The following SMARCA4 variants were observed in gnomAD, a reference collection of about 807,000 sequenced individuals.
SMARCA4 encodes SWI/SNF related BAF chromatin remodeling complex subunit ATPase 4.
A neutral mutation model predicts 193.9 loss-of-function variants in SMARCA4; 31 were observed. The ratio of observed to expected loss-of-function variants is 0.16; its 90% CI spans 0.12 to 0.22. SMARCA4 has a LOEUF of 0.22. SMARCA4 is among the 10% of genes least tolerant of loss of function. The pLI, the probability that SMARCA4 is intolerant of heterozygous loss-of-function variation, is 1.00. For missense variants in SMARCA4, 1,148 were observed against 2,296.0 expected (o/e 0.50, Z 10.22); for synonymous variants, 942 against 933.1 (o/e 1.01, Z -0.17).
rs2086167497 is a variant in SMARCA4, at chr19:10,987,598, T to C, written c.860-68T>C. On this transcript the variant is annotated intron_variant, in intron 5 of 34. Coordinates refer to ENST00000344626, the MANE Select transcript of SMARCA4 (RefSeq NM_003072.5). The surrounding 1 kb of genome is among the most constrained non-coding windows in gnomAD (Gnocchi z 5.3). ...CCAGTGCCTCAAGCAGCTCAGCAGCTTTCCATTTCCAGCCCGGGATGGGCC... is the reference window on the plus strand; with the variant it reads ...CCAGTGCCTCAAGCAGCTCAGCAGCCTTCCATTTCCAGCCCGGGATGGGCC... 2 of 1,587,606 alleles carry C rather than the reference T, an allele frequency of 1.3e-6. No homozygotes were observed. The highest frequency in any genetic ancestry group is 1.7e-5 in the Admixed American group (1 of 59,810).
Position 10,991,191 on chromosome 19 carries a change from G to A in SMARCA4, c.1287G>A (p.Ala429=), listed in dbSNP as rs143600641. 4.5e-5 allele frequency: 73 copies of A among 1,613,896 alleles called. No homozygotes were observed. The highest frequency in any genetic ancestry group is 2.5e-4 in the Admixed American group (15 of 60,020). ...EVVVCMRRDT[A]LETALNAKAY... Reference sequence around the variant, plus strand: ...TGGTGTGCATGCGGAGGGACACAGCGCTGGAGACAGCCCTCAATGCTAAGG... The same window carrying A: ...TGGTGTGCATGCGGAGGGACACAGCACTGGAGACAGCCCTCAATGCTAAGG... The change falls in exon 8 of 35, where the codon GCG becomes GCA. Residue 429 remains alanine, a synonymous_variant. Transcript: ENST00000344626.
chr19:10,986,242 A>C lies in SMARCA4; in HGVS notation c.409A>C (p.Ser137Arg), dbSNP rs768840027. The C allele has an allele frequency of 1.2e-6, 2 of 1,613,936 alleles. No homozygotes were observed. The change falls in exon 4 of 35, where the codon AGT becomes CGT. Residue 137 changes from serine to arginine, a missense_variant. Transcript: ENST00000344626. The surrounding 1 kb of genome is among the most constrained non-coding windows in gnomAD (Gnocchi z 6.7). ...SEHASSPVPA[S>R]GPSSGPQMSS... ...GCATGCCTCTAGTCCAGTTCCAGCC[A>C]GTGGCCCGTCTTCGGGGCCCCAGAT...
intron 13 of SMARCA4, among the ~76,000 whole-genome samples, chr19:11,003,856 C>T (rs1438197915): frequency 6.6e-6 from 1 of 151,402 alleles, no homozygotes; most frequent in Middle Eastern, 3.2e-3. Context: ...GGACTACAGG[C>T]GCCTGCCACC....
intron 11 of SMARCA4, among the ~76,000 whole-genome samples, chr19:11,000,156 G>GAA (rs1368021512): frequency 1.3e-5 from 2 of 151,796 alleles, no homozygotes; most frequent in Non-Finnish European, 2.9e-5. Context: ...GAACCTGAGA[G>GAA]GTGGAGGTTG....
chr19:10,967,165 CTCT>C (rs2084286877), intron 1 of SMARCA4, among the ~76,000 whole-genome samples: 1 of 152,124 alleles, frequency 6.6e-6, no homozygotes, highest in Admixed American at 6.6e-5. Flanking sequence ...GTGGCCTCAA[CTCT>C]TCTTCATATA....
rs1197954341 is a variant in SMARCA4 at position 11,034,863 on chromosome 19, C to T, written c.3952-51C>T. 1 of 1,233,118 alleles carries T rather than the reference C, an allele frequency of 8.1e-7. No homozygotes were observed. Among genetic ancestry groups the T allele is most frequent in the Middle Eastern group, 2.6e-4 (1 of 3,820 alleles). The allele number at this position is 1,233,118 out of a possible 1,614,324, so 76.4% of individuals were successfully genotyped here. On this transcript the variant is annotated intron_variant, in intron 28 of 34. Coordinates refer to ENST00000344626, the MANE Select transcript of SMARCA4 (RefSeq NM_003072.5). This position sits in a 1 kb window ranked among gnomAD's most constrained non-coding sequence, Gnocchi z 7.0. ...CTCTCGGTGTTCTGGCTCTAGCGTGCCCCTGGTGCCTGCATGCTGATGCCT... is the reference window on the plus strand; with the variant it reads ...CTCTCGGTGTTCTGGCTCTAGCGTGTCCCTGGTGCCTGCATGCTGATGCCT...
At chr19:11,057,684 A>G (rs2076621934) in intron 30 of SMARCA4, among the ~76,000 whole-genome samples, 1 of 151,420 alleles carries the variant, frequency 6.6e-6, no homozygotes, top group African/African-American at 2.4e-5. Context: ...AGCCGAGATC[A>G]TTCCATTGCG....
chr19:10,966,749 A>G (rs1044727271), intron 1 of SMARCA4, among the ~76,000 whole-genome samples: 20 of 152,248 alleles, frequency 1.3e-4, no homozygotes, highest in African/African-American at 4.8e-4. Flanking sequence ...TTAGCTGGGC[A>G]TGGTGGTGTG....
chr19:11,044,112 C>T (rs763066597), intron 30 of SMARCA4, among the ~76,000 whole-genome samples: 3 of 152,152 alleles, frequency 2.0e-5, no homozygotes, highest in East Asian at 1.9e-4. Flanking sequence ...ACCCTTGAAG[C>T]GCAGTGGGGA....
chr19:11,046,162 G>A (rs1201892808), intron 30 of SMARCA4, among the ~76,000 whole-genome samples: 1 of 151,598 alleles, frequency 6.6e-6, no homozygotes, highest in Non-Finnish European at 1.5e-5. Flanking sequence ...GGCAGAGCTT[G>A]CAGTGAGCCG....
At chr19:11,016,781 G>A (rs1434029625) in intron 16 of SMARCA4, among the ~76,000 whole-genome samples, 1 of 152,134 alleles carries the variant, frequency 6.6e-6, no homozygotes, top group Non-Finnish European at 1.5e-5. Context: ...AGTGCTTTCA[G>A]TTGGCTCTTC....
intron 1 of SMARCA4, chr19:10,977,906 G>A (rs2085272428): frequency 6.6e-6 from 1 of 152,358 alleles, no homozygotes. Flanking sequence ...TGGCTTCACA[G>A]TCCATGTTCA....
intron 15 of SMARCA4, among the ~76,000 whole-genome samples, chr19:11,011,444 C>CA (rs1269186127): frequency 6.6e-6 from 1 of 152,134 alleles, no homozygotes; most frequent in African/African-American, 2.4e-5. Context: ...AAGCTGGTCT[C>CA]AAACTCCTGA....
chr19:10,994,561 G>A (rs1011289922), intron 8 of SMARCA4, among the ~76,000 whole-genome samples: 3 of 151,374 alleles, frequency 2.0e-5, no homozygotes, highest in Non-Finnish European at 2.9e-5. Flanking sequence ...CTCATGATCC[G>A]CCCGCCTCAG....
chr19:10,987,083 A>G lies in SMARCA4; in HGVS notation c.859+80A>G, dbSNP rs545391805. On this transcript the variant is annotated intron_variant, in intron 5 of 34. Coordinates refer to ENST00000344626, the MANE Select transcript of SMARCA4 (RefSeq NM_003072.5). The surrounding 1 kb of genome is among the most constrained non-coding windows in gnomAD (Gnocchi z 5.3). ...TTGGGTCCTTGAGATGAGCTTTGTC[A>G]GGGAGAAAGGGCCGAGGGTGGTCAG... 258 of 1,034,660 alleles carry G rather than the reference A, an allele frequency of 2.5e-4. 1 individual carries two copies. In the African/African-American group the frequency reaches 3.5e-3, roughly 14 times the overall value. 64.1% of individuals were successfully genotyped at this position (1,034,660 alleles called of 1,614,324 possible). A position where few individuals can be genotyped will look rare whatever the true frequency, so the allele number is the denominator to read the frequency against.
At chr19:10,981,865 A>G (rs1229685069) in intron 1 of SMARCA4, among the ~76,000 whole-genome samples, 15 of 152,060 alleles carry the variant, frequency 9.9e-5, no homozygotes, top group Middle Eastern at 3.4e-3. Flanking sequence ...ATGCACTCCT[A>G]TGGTCCCAGC....
intron 1 of SMARCA4, among the ~76,000 whole-genome samples, chr19:10,983,193 A>G (rs2085705622): frequency 6.6e-6 from 1 of 151,916 alleles, no homozygotes; most frequent in Non-Finnish European, 1.5e-5. Flanking sequence ...TTCCTTTCCC[A>G]TTTGTCTCTG....
Position 11,013,076 on chromosome 19 carries a change from G to T in SMARCA4, c.2402G>T (p.Arg801Leu). 1 of 1,614,122 alleles carries T rather than the reference G, an allele frequency of 6.2e-7. No individual in the cohort carries two copies. The highest frequency in any genetic ancestry group is 8.5e-7 in the Non-Finnish European group (1 of 1,180,018). Residue 801 changes from arginine to leucine, a missense_variant, in exon 16 of 35, where the codon CGC (arginine) becomes CTC (leucine). This residue lies in a region of SMARCA4 where 54 missense variants were observed against 123.3 expected (regional missense o/e 0.44). Coordinates refer to ENST00000344626, the MANE Select transcript of SMARCA4 (RefSeq NM_003072.5). ...ALITYLMEHK[R>L]INGPFLIIVP... ...ATCACGTACCTCATGGAGCACAAAC[G>T]CATCAATGGGCCCTTCCTCATCATC...
rs750102537 is a variant in SMARCA4, at chr19:10,996,196, C to T, written c.1594-17C>T. On this transcript the variant is annotated splice_polypyrimidine_tract_variant and intron_variant, in intron 9 of 34. Coordinates refer to ENST00000344626, the MANE Select transcript of SMARCA4 (RefSeq NM_003072.5). The stretch of plus-strand genomic sequence containing the variant: ...ACATTGTGCCACCACATTGCAGTAA[C>T]CCCCATGCTTTTGTAGGCTGAAGAT... 2 of 1,613,856 alleles carry T rather than the reference C, an allele frequency of 1.2e-6. No homozygotes were observed. Among genetic ancestry groups the T allele is most frequent in the Admixed American group, 3.3e-5 (2 of 60,020 alleles).
Sources: gnomAD v4.1 joint callset for allele counts (sites outside exome capture counted in the v4.1 genomes callset) on GRCh38, gnomAD v4.1.1 for gene constraint, gnomAD v4.1.1 regional missense constraint, Gnocchi (gnomAD v3.1) non-coding constraint, MANE v1.5 for transcripts, NCBI Gene and HGNC (gene_info 2026-07-23, HGNC 2026-07-21) for gene names.